The following GABRG3 variants were observed in gnomAD, a reference collection of about 807,000 sequenced individuals.
The protein encoded by GABRG3 is gamma-aminobutyric acid receptor subunit gamma-3.
Under a neutral mutation model 48.8 loss-of-function variants are expected in GABRG3, and 25 were observed. The ratio of observed to expected loss-of-function variants is 0.51; its 90% confidence interval spans 0.37 to 0.72. The LOEUF (loss-of-function observed/expected upper bound fraction) is 0.72. Ranked by LOEUF, GABRG3 falls within the 30% of genes least tolerant of loss-of-function variation. The pLI is 0.00. For synonymous variants in GABRG3, 227 were observed against 217.6 expected (o/e 1.04, Z -0.38); for missense variants, 394 against 577.9 (o/e 0.68, Z 3.26).
At chr15:27,407,215 C>A (rs79848664) in intron 5 of GABRG3, among the ~76,000 whole-genome samples, 1 of 152,054 alleles carries the variant, frequency 6.6e-6, no homozygotes, top group Non-Finnish European at 1.5e-5. Context: ...TGTGAGCCAC[C>A]GCGCTCGGCT....
At chr15:27,133,436 G>A (rs988069846) in intron 3 of GABRG3, among the ~76,000 whole-genome samples, 3 of 152,186 alleles carry the variant, frequency 2.0e-5, no homozygotes, top group Non-Finnish European at 4.4e-5. Context: ...GAGTCACAGA[G>A]TGACTTCCTG....
intron 3 of GABRG3, among the ~76,000 whole-genome samples, chr15:27,032,474 C>T (rs982683148): frequency 4.6e-5 from 7 of 152,136 alleles, no homozygotes; most frequent in South Asian, 2.1e-4. Context: ...GCTGTACAAG[C>T]GTGGCACCAG....
chr15:27,262,899 C>G (rs1035148023), intron 3 of GABRG3, among the ~76,000 whole-genome samples: 2 of 152,164 alleles, frequency 1.3e-5, no homozygotes, highest in Admixed American at 6.5e-5. Flanking sequence ...CTTCACCATG[C>G]CTAGTGCTAT....
intron 3 of GABRG3, among the ~76,000 whole-genome samples, chr15:27,280,119 A>G (rs995456925): frequency 2.0e-5 from 3 of 150,486 alleles, no homozygotes; most frequent in Admixed American, 6.6e-5. Flanking sequence ...ATTTTTTTCC[A>G]TTACTTCTTT....
chr15:27,223,693 G>A (rs1889522249), intron 3 of GABRG3, among the ~76,000 whole-genome samples: 1 of 152,100 alleles, frequency 6.6e-6, no homozygotes, highest in South Asian at 2.1e-4. Flanking sequence ...GGATGGGTAT[G>A]GAAAGGTGTC....
intron 3 of GABRG3, among the ~76,000 whole-genome samples, chr15:27,093,068 T>C (rs1326643446): frequency 6.6e-6 from 1 of 152,046 alleles, no homozygotes; most frequent in African/African-American, 2.4e-5. Flanking sequence ...AGCCATTGGG[T>C]TGAGAGAGAG....
intron 5 of GABRG3, among the ~76,000 whole-genome samples, chr15:27,404,149 A>G (rs980480013): frequency 2.2e-4 from 34 of 152,132 alleles, no homozygotes; most frequent in African/African-American, 7.5e-4. Context: ...CGAACCCGGG[A>G]GGCGGAGCTT....
intron 3 of GABRG3, among the ~76,000 whole-genome samples, chr15:27,232,707 C>G (rs575686956): frequency 6.6e-6 from 1 of 152,178 alleles, no homozygotes; most frequent in East Asian, 1.9e-4. Context: ...GGCCGTTATT[C>G]TCCTTTTCTT....
At chr15:27,350,809 C>T (rs1309613473) in intron 5 of GABRG3, among the ~76,000 whole-genome samples, 1 of 152,150 alleles carries the variant, frequency 6.6e-6, no homozygotes, top group African/African-American at 2.4e-5. Context: ...GGCTTTGTGG[C>T]CTGGGCTGAC....
intron 3 of GABRG3, among the ~76,000 whole-genome samples, chr15:27,235,411 C>T (rs1889928673): frequency 6.6e-6 from 1 of 150,570 alleles, no homozygotes; most frequent in African/African-American, 2.5e-5. Context: ...CTCAGTGACT[C>T]CATCATTTGC....
At chr15:27,323,592 G>A (rs966582313) in intron 3 of GABRG3, among the ~76,000 whole-genome samples, 8 of 152,116 alleles carry the variant, frequency 5.3e-5, no homozygotes, top group African/African-American at 1.4e-4. Flanking sequence ...AGAAATCATC[G>A]TTAAGCTCAA....
At chr15:27,437,615 A>G (rs72707628) in intron 5 of GABRG3, among the ~76,000 whole-genome samples, 2,389 of 152,364 alleles carry the variant, frequency 0.016, 44 homozygotes, top group South Asian at 0.08. Context: ...AAAACTGGAC[A>G]TGGTCACTGC....
At chr15:27,168,754 C>T (rs568750699) in intron 3 of GABRG3, among the ~76,000 whole-genome samples, 2 of 152,328 alleles carry the variant, frequency 1.3e-5, no homozygotes, top group South Asian at 2.1e-4. Flanking sequence ...GGGCCCTCAC[C>T]AGACACCAAA....
At chr15:27,529,851 A>C (rs1891377242) in intron 9 of GABRG3, among the ~76,000 whole-genome samples, 1 of 151,698 alleles carries the variant, frequency 6.6e-6, no homozygotes, top group Non-Finnish European at 1.5e-5. Flanking sequence ...CCTTTAACAC[A>C]GACAGAAAAA....
intron 3 of GABRG3, among the ~76,000 whole-genome samples, chr15:27,071,628 C>T (rs142208271): frequency 1.1e-3 from 173 of 152,288 alleles, no homozygotes; most frequent in African/African-American, 2.6e-3. Flanking sequence ...AAGCACCTGG[C>T]GGCTCTCTCT....
chr15:27,372,068 T>C (rs2140556778), intron 5 of GABRG3, among the ~76,000 whole-genome samples: 1 of 152,262 alleles, frequency 6.6e-6, no homozygotes, highest in African/African-American at 2.4e-5. Flanking sequence ...ATTAGTAATA[T>C]TTTATTAAGT....
intron 3 of GABRG3, among the ~76,000 whole-genome samples, chr15:27,156,298 CAAAAAAAAAA>C (rs34055206): frequency 2.6e-5 from 2 of 78,122 alleles, no homozygotes; most frequent in East Asian, 4.1e-4. Context: ...CACTCTGTCT[CAAAAAAAAAA>C]AAAAAAAAAA....
intron 3 of GABRG3, among the ~76,000 whole-genome samples, 166 bp from the exon 4 acceptor site, chr15:27,326,643 T>G: frequency 6.6e-6 from 1 of 152,200 alleles, no homozygotes. Flanking sequence ...ATAATATTGG[T>G]CATCATTCAC....
chr15:27,007,087 T>G (rs117114096), intron 2 of GABRG3, among the ~76,000 whole-genome samples: 13,404 of 151,920 alleles, frequency 0.088, 707 homozygotes, highest in Middle Eastern at 0.23. Flanking sequence ...TCTTTTTTTT[T>G]TTTGTTTTTT....
Sources: gnomAD v4.1 joint callset for allele counts (sites outside exome capture counted in the v4.1 genomes callset) on GRCh38, gnomAD v4.1.1 for gene constraint, MANE v1.5 for transcripts, NCBI Gene and HGNC (gene_info 2026-07-23, HGNC 2026-07-21) for gene names.